Variants in ESCO2 observed in about 807,000 individuals in gnomAD.
The protein encoded by ESCO2 is establishment of sister chromatid cohesion N-acetyltransferase 2, also known as N-acetyltransferase ESCO2.
Under a neutral mutation model 61.7 loss-of-function variants are expected in ESCO2, and 51 were observed. The observed-to-expected ratio is 0.83, with a 90% CI of 0.66 to 1.04. The LOEUF (loss-of-function observed/expected upper bound fraction) is 1.04, where lower values mean the gene tolerates loss of function less well. Ranked by LOEUF, ESCO2 falls within the 50% of genes least tolerant of loss-of-function variation. The pLI is 0.00. For synonymous variants in ESCO2, 230 were observed against 238.2 expected (o/e 0.97, Z 0.32); for missense variants, 692 against 686.2 (o/e 1.01, Z -0.09).
chr8:27,787,754 T>A (rs1378842564), intron 5 of ESCO2, 131 bp from the exon 6 acceptor site: 4 of 703,540 alleles, frequency 5.7e-6, no homozygotes, highest in Non-Finnish European at 1.0e-5. Context: ...TTCCTGTCCT[T>A]ATTACTTCAT....
intron 4 of ESCO2, among the ~76,000 whole-genome samples, chr8:27,781,560 A>G (rs1346504710): frequency 7.0e-6 from 1 of 143,160 alleles, no homozygotes; most frequent in Non-Finnish European, 1.5e-5. Flanking sequence ...ATTGGTATAG[A>G]CTTTTTTTTT....
At chr8:27,809,973 T>C, downstream of ESCO2, 1 of 248,148 alleles carries the variant, frequency 4.0e-6, no homozygotes, top group Non-Finnish European at 7.7e-6. Context: ...AAATATAGAA[T>C]ATTTAAGAAA....
chr8:27,777,329 A>G, intron 3 of ESCO2, 160 bp downstream of exon 3: 1 of 687,942 alleles, frequency 1.5e-6, no homozygotes. Context: ...ATTTTAAGAC[A>G]GGGTCTTTCT....
At chr8:27,798,787 A>G (rs1481532731) in intron 9 of ESCO2, among the ~76,000 whole-genome samples, 1 of 152,232 alleles carries the variant, frequency 6.6e-6, no homozygotes, top group Non-Finnish European at 1.5e-5. Context: ...GTCATATGGT[A>G]TATGATTTCA....
chr8:27,776,332 CT>C, intron 2 of ESCO2, 29 bp from the exon 3 acceptor site: 1 of 1,565,442 alleles, frequency 6.4e-7, no homozygotes, highest in South Asian at 1.2e-5. Flanking sequence ...GCAAAATAAT[CT>C]TATCAATGGA....
At chr8:27,774,093 C>T (rs1234481946), upstream of ESCO2, among the ~76,000 whole-genome samples, 1 of 151,988 alleles carries the variant, frequency 6.6e-6, no homozygotes, top group Non-Finnish European at 1.5e-5. Flanking sequence ...CCTAAAGTTA[C>T]TAATAAAAAA....
In ESCO2 at chr8:27,803,074, T is replaced by G. The variant is rs545499534; in HGVS notation, c.1674-232T>G. Among the ~76,000 whole-genome samples, 3 of 152,278 alleles carry G rather than the reference T, an allele frequency of 2.0e-5. No individual in the cohort carries two copies. The East Asian group carries it at 5.8e-4, about 29-fold the overall frequency. On this transcript the variant is annotated intron_variant, in intron 10 of 10. Coordinates refer to ENST00000305188, the MANE Select transcript of ESCO2 (RefSeq NM_001017420.3). ...TATTAGTTGCTCTTTACCATGGATATCCTAGAGTTAGGTGGATGGTTCCCT... is the reference window on the plus strand; with the variant it reads ...TATTAGTTGCTCTTTACCATGGATAGCCTAGAGTTAGGTGGATGGTTCCCT...
intron 4 of ESCO2, among the ~76,000 whole-genome samples, 177 bp from the exon 5 acceptor site, chr8:27,783,823 A>T (rs1393537957): frequency 6.6e-6 from 1 of 152,210 alleles, no homozygotes; most frequent in Non-Finnish European, 1.5e-5. Flanking sequence ...GCATGTGGAC[A>T]TTTAATTGGT....
chr8:27,785,340 G>A (rs1006270006), intron 5 of ESCO2, among the ~76,000 whole-genome samples: 1 of 152,190 alleles, frequency 6.6e-6, no homozygotes, highest in South Asian at 2.1e-4. Flanking sequence ...AACTTTGGGG[G>A]ACGTGTTCAA....
rs1188348304 is a variant in ESCO2, at chr8:27,802,607, C to CAAAA, written c.1674-678_1674-675dup. Among the ~76,000 whole-genome samples the CAAAA allele has an allele frequency of 6.1e-3, 179 of 29,130 alleles. 9 individuals are homozygous for CAAAA. The highest frequency in any genetic ancestry group is 0.014 in the East Asian group (29 of 2,146). 19.1% of individuals were successfully genotyped at this position (29,130 alleles called of 152,430 possible). On this transcript the variant is annotated intron_variant, in intron 10 of 10. Transcript: ENST00000305188. ...TGGGCGACAAAGTGAGACTCTGTCT[C>CAAAA]AAAAAAAAAAAAAAAAAAAAAAAAT...
chr8:27,812,736 T>C (rs1805717375), downstream of ESCO2: 1 of 151,972 alleles, frequency 6.6e-6, no homozygotes, highest in South Asian at 2.1e-4. Context: ...TCATCACTGG[T>C]CATCAAAGAA....
At chr8:27,797,105 A>G (rs572674892) in intron 9 of ESCO2, among the ~76,000 whole-genome samples, 1 of 151,086 alleles carries the variant, frequency 6.6e-6, no homozygotes, top group Admixed American at 6.6e-5. Flanking sequence ...GTGAGACCCT[A>G]TCTCTTAAGA....
the ESCO2 span, among the ~76,000 whole-genome samples, chr8:27,818,183 T>TGTAA: frequency 6.6e-6 from 1 of 152,216 alleles, no homozygotes; most frequent in East Asian, 1.9e-4. Context: ...CCTTGGTTGT[T>TGTAA]GTAAGTCACT....
In ESCO2 at chr8:27,804,821, T is replaced by A; in HGVS notation, c.*1383T>A. 1.1e-6 allele frequency: 1 copy of A among 925,020 alleles called. No homozygotes were observed. Among genetic ancestry groups the A allele is most frequent in the Non-Finnish European group, 1.3e-6 (1 of 774,740 alleles). The allele number at this position is 925,020 out of a possible 1,614,324, so 57.3% of individuals were successfully genotyped here. On this transcript the variant is annotated 3_prime_UTR_variant, in exon 11 of 11. Transcript: ENST00000305188. ...ATTTTCTGCACTTATTTCTTTTAAA[T>A]ATTTTATTTAAAATTTTTAATTAAC... is the stretch of plus-strand genomic sequence containing the variant.
At position 27,787,803 on chromosome 8, in the gene ESCO2, G is replaced by A. The variant is rs563554362; in HGVS notation, c.1014-82G>A. The A allele has an allele frequency of 3.8e-6, 4 of 1,050,914 alleles. No individual in the cohort carries two copies. In the South Asian group the frequency reaches 5.1e-5, roughly 13 times the overall value. The allele number at this position is 1,050,914 out of a possible 1,614,324, so 65.1% of individuals were successfully genotyped here. On this transcript the variant is annotated intron_variant, in intron 5 of 10. Transcript: ENST00000305188. ...GATAGAAAGCACTAAAAATTGCAAGGTACTCTGATAAATGGCTGCTTTCTT... is the reference window on the plus strand; with the variant it reads ...GATAGAAAGCACTAAAAATTGCAAGATACTCTGATAAATGGCTGCTTTCTT...
chr8:27,803,524 T>TC lies in ESCO2; in HGVS notation c.*86_*87insC, dbSNP rs1197719143. The TC allele has an allele frequency of 1.6e-5, 25 of 1,539,520 alleles. No homozygotes were observed. The South Asian group carries it at 2.2e-4, about 14-fold the overall frequency. On this transcript the variant is annotated 3_prime_UTR_variant, in exon 11 of 11. Transcript: ENST00000305188. ...AAATACAAACTATTTAATATCAAAA[T>TC]AAAAAATACCGAGACTCACACTCAT...
intron 6 of ESCO2, 46 bp downstream of exon 6, chr8:27,788,048 A>G (rs750650971): frequency 7.1e-7 from 1 of 1,416,186 alleles, no homozygotes; most frequent in South Asian, 1.1e-5. Context: ...CCCTTTGCAG[A>G]AAAGCTTGCC....
chr8:27,786,784 CTTT>C (rs11305882), intron 5 of ESCO2, among the ~76,000 whole-genome samples: 2 of 105,734 alleles, frequency 1.9e-5, no homozygotes, highest in Non-Finnish European at 3.9e-5. Flanking sequence ...AATGCTCCAC[CTTT>C]TTTTTTTTTT....
chr8:27,808,935 G>T (rs1290801927), downstream of ESCO2, among the ~76,000 whole-genome samples: 1 of 152,150 alleles, frequency 6.6e-6, no homozygotes, highest in Non-Finnish European at 1.5e-5. Flanking sequence ...CTGTGAATTT[G>T]CTGGTCTTGT....
Sources: gnomAD v4.1 joint callset for allele counts (sites outside exome capture counted in the v4.1 genomes callset) on GRCh38, gnomAD v4.1.1 for gene constraint, MANE v1.5 for transcripts, NCBI Gene and HGNC (gene_info 2026-07-23, HGNC 2026-07-21) for gene names.